The following LARGE1 variants were observed in gnomAD, a reference collection of about 807,000 sequenced individuals.
The protein encoded by LARGE1 is xylosyl- and glucuronyltransferase LARGE1.
Under a neutral mutation model 87.6 loss-of-function variants are expected in LARGE1, and 43 were observed. The ratio of observed to expected loss-of-function variants is 0.49; its 90% CI spans 0.38 to 0.63. LARGE1 has a LOEUF of 0.63. Among genes scored for constraint, LARGE1 ranks in the 30% least tolerant of loss-of-function variants. The probability of loss-of-function intolerance (pLI) is 0.00; values close to 1 mark genes in which losing one functional copy is unlikely to be tolerated. For synonymous variants in LARGE1, 434 were observed against 394.6 expected (o/e 1.10, Z -1.18); for missense variants, 802 against 1,000.2 (o/e 0.80, Z 2.67).
At chr22:33,352,839 C>T (rs1275332502) in intron 9 of LARGE1, among the ~76,000 whole-genome samples, 2 of 152,146 alleles carry the variant, frequency 1.3e-5, no homozygotes, top group Non-Finnish European at 2.9e-5. Flanking sequence ...ACTCTTTATG[C>T]TACCTTTTAA....
At chr22:33,895,680 C>A (rs913436427) in intron 1 of LARGE1, among the ~76,000 whole-genome samples, 1 of 152,206 alleles carries the variant, frequency 6.6e-6, no homozygotes, top group Non-Finnish European at 1.5e-5. Flanking sequence ...CCCCAACATG[C>A]CAACTTCATC....
At position 33,475,629 on chromosome 22, in the gene LARGE1, T is replaced by C. The variant is rs564449236; in HGVS notation, c.788-43364A>G. On this transcript the variant is annotated intron_variant, in intron 6 of 14. Transcript: ENST00000397394. ...GGCATGCACCACGACACCTGGCTAA[T>C]TTTTTGTATTTTTAGTAGAGACGGG... Among the ~76,000 whole-genome samples, 488 of 151,918 alleles carry C rather than the reference T, an allele frequency of 3.2e-3. 3 individuals carry two copies. The highest frequency in any genetic ancestry group is 0.022 in the South Asian group (104 of 4,788).
At chr22:33,320,814 G>C (rs1936638827) in intron 10 of LARGE1, 1 of 152,228 alleles carries the variant, frequency 6.6e-6, no homozygotes, top group African/African-American at 2.4e-5. Context: ...CTCCACGTAA[G>C]GTGCTGGGTA....
chr22:33,438,982 G>T (rs911744304), intron 6 of LARGE1, among the ~76,000 whole-genome samples: 1 of 152,076 alleles, frequency 6.6e-6, no homozygotes, highest in African/African-American at 2.4e-5. Context: ...AGGCCAAGGT[G>T]GGTGGATCAC....
chr22:33,304,675 A>G (rs532491021), intron 11 of LARGE1, among the ~76,000 whole-genome samples, 168 bp from the exon 12 acceptor site: 30 of 152,360 alleles, frequency 2.0e-4, no homozygotes, highest in African/African-American at 7.2e-4. Flanking sequence ...AACAGGCATC[A>G]AAACACTTAC....
chr22:33,820,480 C>A (rs1032160381), intron 1 of LARGE1, among the ~76,000 whole-genome samples: 1 of 151,972 alleles, frequency 6.6e-6, no homozygotes, highest in Non-Finnish European at 1.5e-5. Flanking sequence ...TGCCACCATG[C>A]CCGGCTAATT....
chr22:33,383,136 G>A (rs373632139), intron 8 of LARGE1, among the ~76,000 whole-genome samples: 7 of 152,100 alleles, frequency 4.6e-5, no homozygotes, highest in African/African-American at 1.4e-4. Flanking sequence ...AATCATCTTC[G>A]TGCCTGAAGA....
At chr22:33,456,436 G>A (rs1309093762) in intron 6 of LARGE1, among the ~76,000 whole-genome samples, 1 of 152,204 alleles carries the variant, frequency 6.6e-6, no homozygotes, top group Non-Finnish European at 1.5e-5. Flanking sequence ...TGTTTTAACA[G>A]TTTTCGAAAC....
At chr22:33,831,136 C>T (rs1332554882) in intron 1 of LARGE1, among the ~76,000 whole-genome samples, 2 of 135,778 alleles carry the variant, frequency 1.5e-5, no homozygotes, top group Admixed American at 7.9e-5. Context: ...CTCGCTCTGT[C>T]GCCTAGCCTG....
chr22:33,518,901 C>T (rs1361674938), intron 6 of LARGE1, among the ~76,000 whole-genome samples: 5 of 152,122 alleles, frequency 3.3e-5, no homozygotes, highest in Middle Eastern at 3.4e-3. Flanking sequence ...TCCAGGGACC[C>T]GCACATCCAG....
chr22:33,806,675 G>A (rs2086319587), intron 1 of LARGE1, among the ~76,000 whole-genome samples: 1 of 152,160 alleles, frequency 6.6e-6, no homozygotes, highest in Admixed American at 6.5e-5. Context: ...GATGCCAGCT[G>A]TGCTACTCGG....
chr22:33,155,620 T>A, the LARGE1 span, among the ~76,000 whole-genome samples: 1 of 152,156 alleles, frequency 6.6e-6, no homozygotes, highest in African/African-American at 2.4e-5. Flanking sequence ...AAACAGAGCA[T>A]AAAAGTTTGG....
the LARGE1 span, among the ~76,000 whole-genome samples, chr22:33,093,904 C>T: frequency 2.7e-5 from 4 of 147,428 alleles, no homozygotes; most frequent in East Asian, 2.0e-4. Flanking sequence ...CTTAACTCAC[C>T]GCAACCTCCT....
At chr22:33,421,238 CAATCAATA>C (rs2066686695) in intron 7 of LARGE1, among the ~76,000 whole-genome samples, 1 of 150,004 alleles carries the variant, frequency 6.7e-6, no homozygotes, top group East Asian at 1.9e-4. Flanking sequence ...ATCAATCAAT[CAATCAATA>C]AAGGAGTGGG....
At chr22:33,865,617 G>A (rs981776795) in intron 1 of LARGE1, among the ~76,000 whole-genome samples, 1 of 152,010 alleles carries the variant, frequency 6.6e-6, no homozygotes, top group African/African-American at 2.4e-5. Context: ...GGAAAATAAG[G>A]ATAAAAATAG....
the LARGE1 span, among the ~76,000 whole-genome samples, chr22:33,072,026 C>G: frequency 6.6e-6 from 1 of 152,040 alleles, no homozygotes; most frequent in South Asian, 2.1e-4. Flanking sequence ...TAGCCCAAAC[C>G]CTGATGGGAA....
At chr22:33,701,965 G>A (rs2082415337) in intron 2 of LARGE1, among the ~76,000 whole-genome samples, 1 of 152,112 alleles carries the variant, frequency 6.6e-6, no homozygotes, top group Non-Finnish European at 1.5e-5. Flanking sequence ...TGTGTCTTGC[G>A]ATTTTGCTAG....
At chr22:33,804,715 T>TA (rs1330741561) in intron 1 of LARGE1, among the ~76,000 whole-genome samples, 2 of 152,178 alleles carry the variant, frequency 1.3e-5, no homozygotes, top group Admixed American at 6.5e-5. Flanking sequence ...ACCCCAGCTC[T>TA]AAAAAATGAC....
intron 3 of LARGE1, among the ~76,000 whole-genome samples, chr22:33,640,458 C>T (rs1227949985): frequency 6.6e-6 from 1 of 152,308 alleles, no homozygotes; most frequent in South Asian, 2.1e-4. Context: ...AAACCTAATT[C>T]TCAAGTGCAA....
Sources: allele counts gnomAD v4.1 joint callset (sites outside exome capture counted in the v4.1 genomes callset), GRCh38; gene constraint gnomAD v4.1.1; transcripts MANE v1.5; gene names NCBI Gene and HGNC (gene_info 2026-07-23, HGNC 2026-07-21).